Variants in ARHGAP32 observed in about 807,000 individuals in gnomAD.
ARHGAP32 encodes Rho GTPase activating protein 32.
Under a neutral mutation model 186.5 loss-of-function variants are expected in ARHGAP32, and 51 were observed. The observed-to-expected ratio is 0.27, with a 90% CI of 0.22 to 0.35. The LOEUF is 0.35. Ranked by LOEUF, ARHGAP32 falls within the 10% of genes least tolerant of loss-of-function variation. ARHGAP32 has a pLI of 1.00. For missense variants in ARHGAP32, 2,186 were observed against 2,623.5 expected (o/e 0.83, Z 3.64); for synonymous variants, 950 against 964.3 (o/e 0.99, Z 0.27).
chr11:129,177,533 C>G (rs989977652), intron 1 of ARHGAP32, among the ~76,000 whole-genome samples: 1 of 152,092 alleles, frequency 6.6e-6, no homozygotes, highest in Admixed American at 6.6e-5. Flanking sequence ...ATGCAAAAAC[C>G]CTTAATAAAA....
chr11:129,185,035 T>C (rs1160190036), intron 1 of ARHGAP32, among the ~76,000 whole-genome samples: 1 of 152,140 alleles, frequency 6.6e-6, no homozygotes, highest in Non-Finnish European at 1.5e-5. Flanking sequence ...ACTGTGGAAG[T>C]AGGTGTGGCA....
chr11:129,278,265 C>T (rs1464989236), intron 1 of ARHGAP32, among the ~76,000 whole-genome samples: 1 of 152,260 alleles, frequency 6.6e-6, no homozygotes, highest in African/African-American at 2.4e-5. Context: ...CGCAGTGCCC[C>T]AAGCATTTTA....
At chr11:129,071,106 A>C (rs1240732516) in intron 6 of ARHGAP32, among the ~76,000 whole-genome samples, 2 of 152,044 alleles carry the variant, frequency 1.3e-5, no homozygotes, top group African/African-American at 4.8e-5. Context: ...TCAGTGAGTT[A>C]CAATCAAGAA....
At chr11:129,132,903 T>C (rs1942845268) in intron 2 of ARHGAP32, among the ~76,000 whole-genome samples, 1 of 152,132 alleles carries the variant, frequency 6.6e-6, no homozygotes, top group African/African-American at 2.4e-5. Context: ...AACCCAAATA[T>C]AAATTTTAGA....
At chr11:129,075,899 G>A (rs944406198) in intron 6 of ARHGAP32, among the ~76,000 whole-genome samples, 6 of 152,182 alleles carry the variant, frequency 3.9e-5, no homozygotes, top group African/African-American at 9.7e-5. Context: ...GCTGCATTCC[G>A]AGGAGGTTAG....
intron 12 of ARHGAP32, among the ~76,000 whole-genome samples, chr11:128,989,096 G>T (rs1034507685): frequency 2.6e-5 from 4 of 152,116 alleles, no homozygotes; most frequent in Non-Finnish European, 5.9e-5. Context: ...GATAATTTTA[G>T]TGAATGTATT....
intron 11 of ARHGAP32, among the ~76,000 whole-genome samples, chr11:129,036,208 G>A (rs1171465287): frequency 1.3e-5 from 2 of 151,726 alleles, no homozygotes; most frequent in African/African-American, 2.4e-5. Flanking sequence ...GAGAAAACCC[G>A]TTTCTATGAA....
rs191113073 is a variant in ARHGAP32 at position 129,263,285 on chromosome 11, T to A, written c.-5+15861A>T. 1.8e-3 allele frequency among the ~76,000 whole-genome samples: 268 copies of A among 152,254 alleles called. 5 individuals are homozygous for A. The highest frequency in any genetic ancestry group is 0.014 in the Middle Eastern group (4 of 294). On this transcript the variant is annotated intron_variant, in intron 1 of 6. Coordinates refer to the ARHGAP32 transcript ENST00000525234. ...ATATCAAAGGACACTATCAACAGAA[T>A]GAAAAGGCAATCCACAGAATGGGAG...
Position 128,969,975 on chromosome 11 carries a change from A to G in ARHGAP32, c.5238T>C (p.Ala1746=). 1 of 1,614,206 alleles carries G rather than the reference A, an allele frequency of 6.2e-7. No individual in the cohort carries two copies. Among genetic ancestry groups the G allele is most frequent in the Non-Finnish European group, 8.5e-7 (1 of 1,180,028 alleles). The change falls in exon 23 of 23, where the codon GCT becomes GCC. Residue 1746 remains alanine, a synonymous_variant. Transcript: ENST00000682385. The surrounding 1 kb of genome is among the most constrained non-coding windows in gnomAD (Gnocchi z 4.8). ...NDHNVVSMPP[A]ADVKHTYTSW... ...AGGTGTAGGTGTGCTTCACATCAGC[A>G]GCCGGAGGCATGCTGACTACATTAT...
chr11:129,036,380 CAAAAAAAAAAAA>C (rs58678377), intron 11 of ARHGAP32, among the ~76,000 whole-genome samples: 4 of 98,698 alleles, frequency 4.1e-5, no homozygotes, highest in South Asian at 5.0e-4. Flanking sequence ...AACTCCGTCT[CAAAAAAAAAAAA>C]AAAAAAAAAA....
chr11:129,162,345 G>A (rs1943548896), intron 2 of ARHGAP32, among the ~76,000 whole-genome samples: 2 of 152,138 alleles, frequency 1.3e-5, no homozygotes, highest in South Asian at 2.1e-4. Context: ...TTAAAATGTT[G>A]AGGACATTGG....
intron 1 of ARHGAP32, among the ~76,000 whole-genome samples, chr11:129,219,860 C>CAT (rs1484191908): frequency 1.3e-5 from 2 of 150,528 alleles, no homozygotes; most frequent in Non-Finnish European, 3.0e-5. Context: ...TACACACATA[C>CAT]ACACACACAC....
intron 1 of ARHGAP32, among the ~76,000 whole-genome samples, chr11:129,190,487 A>C (rs1008575789): frequency 6.6e-6 from 1 of 152,228 alleles, no homozygotes; most frequent in African/African-American, 2.4e-5. Context: ...TAGTTTCCTT[A>C]AACAACACAT....
chr11:129,036,059 A>C (rs907954996), intron 11 of ARHGAP32, among the ~76,000 whole-genome samples: 8 of 152,010 alleles, frequency 5.3e-5, no homozygotes, highest in African/African-American at 1.9e-4. Context: ...GGTTATCCCT[A>C]CTTGAAGTGT....
chr11:129,085,973 A>G (rs915815945), intron 6 of ARHGAP32, among the ~76,000 whole-genome samples: 3 of 151,628 alleles, frequency 2.0e-5, no homozygotes, highest in South Asian at 2.1e-4. Flanking sequence ...CAGCCTGGGC[A>G]ACAGAGCAAG....
At chr11:129,259,823 T>C (rs958780115) in intron 1 of ARHGAP32, among the ~76,000 whole-genome samples, 1 of 152,228 alleles carries the variant, frequency 6.6e-6, no homozygotes, top group Non-Finnish European at 1.5e-5. Flanking sequence ...TATGCAGACA[T>C]GAGATTCTTC....
At chr11:129,036,914 G>A (rs1219817087) in intron 11 of ARHGAP32, among the ~76,000 whole-genome samples, 1 of 152,172 alleles carries the variant, frequency 6.6e-6, no homozygotes, top group African/African-American at 2.4e-5. Flanking sequence ...TGGAAGGGAA[G>A]AAGTAAAAAG....
intron 1 of ARHGAP32, among the ~76,000 whole-genome samples, chr11:129,214,770 C>T (rs1045120581): frequency 3.3e-5 from 5 of 152,196 alleles, no homozygotes; most frequent in South Asian, 2.1e-4. Context: ...GCACTAGGTA[C>T]GGTCAGCAAA....
At chr11:129,187,227 G>A (rs768621658) in intron 1 of ARHGAP32, among the ~76,000 whole-genome samples, 1 of 152,190 alleles carries the variant, frequency 6.6e-6, no homozygotes, top group Non-Finnish European at 1.5e-5. Flanking sequence ...CATGGTTGGA[G>A]CTAGAGGTCA....
Sources: allele counts gnomAD v4.1 joint callset (sites outside exome capture counted in the v4.1 genomes callset), GRCh38; gene constraint gnomAD v4.1.1; non-coding constraint Gnocchi (gnomAD v3.1); transcripts MANE v1.5; gene names NCBI Gene and HGNC (gene_info 2026-07-23, HGNC 2026-07-21).